The following MUC22 variants were observed in gnomAD, a reference collection of about 807,000 sequenced individuals.
MUC22 encodes the protein mucin 22, also known as mucin-22.
In MUC22, 24 loss-of-function variants were observed where a neutral mutation model predicts 40.3. The observed-to-expected ratio is 0.60, with a 90% CI of 0.43 to 0.84. MUC22 has a LOEUF of 0.84. Ranked by LOEUF, MUC22 falls within the 40% of genes least tolerant of loss-of-function variation. MUC22 has a pLI of 0.00. For missense variants in MUC22, 1,926 were observed against 2,130.7 expected, an observed-to-expected ratio of 0.90 and a Z score of 1.89; for synonymous variants, 765 against 844.5, an observed-to-expected ratio of 0.91 and a Z score of 1.63.
At chr6:31,009,897 A>G (rs185981771), upstream of MUC22, among the ~76,000 whole-genome samples, 1 of 152,060 alleles carries the variant, frequency 6.6e-6, no homozygotes, top group Non-Finnish European at 1.5e-5. Flanking sequence ...TTCCCTACTC[A>G]CTTCCGCTTG....
exon 2 of MUC22, chr6:31,026,595 C>T (rs1198859141): frequency 4.0e-6 from 6 of 1,501,406 alleles, no homozygotes; most frequent in Non-Finnish European, 4.4e-6. Context: ...AGACCACCGT[C>T]ACCTCTACTG....
chr6:31,021,155 G>C (rs1764701291), intron 1 of MUC22, among the ~76,000 whole-genome samples: 1 of 152,264 alleles, frequency 6.6e-6, no homozygotes, highest in African/African-American at 2.4e-5. Flanking sequence ...CCCCGGGGCG[G>C]GATCCACTGG....
At chr6:31,025,290 A>G (rs1673855152) in intron 1 of MUC22, among the ~76,000 whole-genome samples, 1 of 152,180 alleles carries the variant, frequency 6.6e-6, no homozygotes, top group Non-Finnish European at 1.5e-5. Context: ...TTTATGTTGT[A>G]GCTCTCTTCT....
chr6:31,029,990 T>G (rs58508214), exon 2 of MUC22: 2 of 1,535,632 alleles, frequency 1.3e-6, no homozygotes, highest in Non-Finnish European at 8.7e-7. Context: ...ACAGTCTCTA[T>G]CACAGCTTCT....
At chr6:31,016,808 G>A (rs1308604441) in intron 1 of MUC22, among the ~76,000 whole-genome samples, 2 of 152,240 alleles carry the variant, frequency 1.3e-5, no homozygotes, top group Non-Finnish European at 2.9e-5. Flanking sequence ...GGCACGGGCG[G>A]GAACCCGGGC....
intron 3 of MUC22, among the ~76,000 whole-genome samples, chr6:31,033,267 GAAA>G (rs1411229790): frequency 1.8e-4 from 27 of 150,160 alleles, no homozygotes; most frequent in African/African-American, 4.9e-4. Flanking sequence ...GAAAGAGAAA[GAAA>G]GGAAGAAAGA....
intron 1 of MUC22, among the ~76,000 whole-genome samples, chr6:31,014,131 A>C (rs1764036447): frequency 6.6e-6 from 1 of 152,118 alleles, no homozygotes; most frequent in African/African-American, 2.4e-5. Context: ...AGTATAAATG[A>C]CCTCTAGTAA....
At chr6:31,031,311 C>T (rs964073426) in intron 2 of MUC22, among the ~76,000 whole-genome samples, 10 of 152,142 alleles carry the variant, frequency 6.6e-5, no homozygotes, top group African/African-American at 9.7e-5. Flanking sequence ...GCACACTCAC[C>T]TCACCTTTGC....
chr6:31,019,322 G>C (rs1220342269), intron 1 of MUC22, among the ~76,000 whole-genome samples: 2 of 152,298 alleles, frequency 1.3e-5, no homozygotes, highest in East Asian at 1.9e-4. Context: ...CCACTGAAAG[G>C]TATCTCCCCT....
rs546686317 is a variant in MUC22, at chr6:31,026,786, C to A, written c.1355C>A (p.Ala452Glu). The change falls in exon 2 of 4, where the codon GCA (alanine) becomes GAA (glutamate). Residue 452 changes from alanine (A) to glutamate (E), a missense_variant. Physicochemically the swap from Ala to Glu is moderately radical, Grantham distance 107 (BLOSUM62 -1). This residue lies in a region of MUC22 where 1,281 missense variants were observed against 1,337.8 expected (regional missense o/e 0.96). Transcript: ENST00000561890. ...TCAGAGACCACCACAGTCTCTACTG[C>A]AGGCTCTGAGACCACTACAGTCTCC... The A allele has an allele frequency of 4.1e-3, 6,226 of 1,507,062 alleles. 556 individuals are homozygous for A. The highest frequency in any genetic ancestry group is 5.0e-3 in the Non-Finnish European group (5,604 of 1,126,588). The allele number at this position is 1,507,062 out of a possible 1,614,324, so 93.4% of individuals were successfully genotyped here. A position where few individuals can be genotyped will look rare whatever the true frequency, so the allele number is the denominator to read the frequency against.
At chr6:31,022,355 GGGTTCTCAATTTT>G (rs1288761773) in intron 1 of MUC22, among the ~76,000 whole-genome samples, 1 of 151,910 alleles carries the variant, frequency 6.6e-6, no homozygotes, top group Non-Finnish European at 1.5e-5. Flanking sequence ...GTACAGATGG[GGGTTCTCAATTTT>G]GGTTAGGCTG....
At chr6:31,018,592 T>G (rs1377424315) in intron 1 of MUC22, among the ~76,000 whole-genome samples, 1 of 152,284 alleles carries the variant, frequency 6.6e-6, no homozygotes, top group Non-Finnish European at 1.5e-5. Context: ...TTGTTATTTC[T>G]CTACTTTTTA....
rs1765736241 is a variant in MUC22 at position 31,028,954 on chromosome 6, AC to A, written c.3525del (p.Thr1176ProfsTer220). The A allele has an allele frequency of 6.5e-7, 1 of 1,531,262 alleles. No individual in the cohort carries two copies. The highest frequency in any genetic ancestry group is 2.0e-5 in the Admixed American group (1 of 50,712). The allele number at this position is 1,531,262 out of a possible 1,614,324, so 94.9% of individuals were successfully genotyped here. On this transcript the variant is annotated frameshift_variant, in exon 2 of 4. Transcript: ENST00000561890. LOFTEE classifies it high-confidence loss of function. ...TACAGTTTCTACCACAGGCTCTGAG[AC>A]CACCACAGCCTCTACTGAAGGCTCT...
At chr6:31,027,607 A>G in exon 2 of MUC22, 1 of 1,527,308 alleles carries the variant, frequency 6.5e-7, no homozygotes, top group African/African-American at 1.4e-5. Flanking sequence ...CTCTGAGACC[A>G]AAACAGCCTA....
At chr6:31,033,562 T>G (rs960840497) in intron 3 of MUC22, among the ~76,000 whole-genome samples, 17 of 152,238 alleles carry the variant, frequency 1.1e-4, no homozygotes, top group Non-Finnish European at 4.4e-5. Flanking sequence ...TTCTTCCTGT[T>G]TTCTTGTGAT....
chr6:31,027,710 C>T lies in MUC22; in HGVS notation c.2279C>T (p.Thr760Ile), dbSNP rs1484573785. The T allele has an allele frequency of 2.8e-5, 43 of 1,533,456 alleles. No homozygotes were observed. The highest frequency in any genetic ancestry group is 3.8e-5 in the Non-Finnish European group (43 of 1,145,856). 95.0% of individuals were successfully genotyped at this position (1,533,456 alleles called of 1,614,324 possible). A position where few individuals can be genotyped will look rare whatever the true frequency, so the allele number is the denominator to read the frequency against. Residue 760 changes from threonine (T) to isoleucine (I), a missense_variant, in exon 2 of 4, where the codon ACT becomes ATT. By Grantham distance (89) the Thr-to-Ile change is moderately conservative (BLOSUM62 -1). This residue lies in a region of MUC22 where 1,281 missense variants were observed against 1,337.8 expected (regional missense o/e 0.96). Coordinates refer to ENST00000561890, the Ensembl canonical transcript of MUC22. ...GGCTCTGACACCACCACAGCCTCTA[C>T]TGAAGGCTCTGAGACCACTGCAGTC... is the stretch of plus-strand genomic sequence containing the variant.
chr6:31,026,171 T>G, exon 2 of MUC22: 1 of 1,520,238 alleles, frequency 6.6e-7, no homozygotes, highest in Non-Finnish European at 8.8e-7. Flanking sequence ...GACTCCAAGG[T>G]GATCACGGCA....
chr6:31,021,970 A>G (rs35768964), intron 1 of MUC22, among the ~76,000 whole-genome samples: 1 of 151,628 alleles, frequency 6.6e-6, no homozygotes, highest in African/African-American at 2.4e-5. Flanking sequence ...CTGCAGCTTC[A>G]CTCCTGAAGC....
rs1765706174 is a variant in MUC22, at chr6:31,028,823, T to TGA, written c.3392_3393insGA (p.Ile1131MetfsTer266). 3 of 1,369,772 alleles carry TGA rather than the reference T, an allele frequency of 2.2e-6. No individual in the cohort carries two copies. Among genetic ancestry groups the TGA allele is most frequent in the African/African-American group, 1.9e-5 (1 of 53,310 alleles). The allele number at this position is 1,369,772 out of a possible 1,614,324, so 84.9% of individuals were successfully genotyped here. ...TCTGAGACCACTACAGCCACTACCA[T>TGA]AGGCTCTGAGACCACCACAGCCTCT... On this transcript the variant is annotated frameshift_variant, in exon 2 of 4. Transcript: ENST00000561890. LOFTEE classifies it high-confidence loss of function.
Sources: allele counts gnomAD v4.1 joint callset (sites outside exome capture counted in the v4.1 genomes callset), GRCh38; gene constraint gnomAD v4.1.1; regional missense constraint gnomAD v4.1.1; transcripts MANE v1.5; gene names NCBI Gene and HGNC (gene_info 2026-07-23, HGNC 2026-07-21).